The following ARHGAP44 variants were observed in gnomAD, a reference collection of about 807,000 sequenced individuals.
ARHGAP44 encodes the protein rho GTPase-activating protein 44.
ARHGAP44 carries 43 observed loss-of-function variants against 106.8 expected under a neutral mutation model. That is an observed-to-expected ratio of 0.40 (90% CI 0.32 to 0.52). The LOEUF is 0.52. Ranked by LOEUF, ARHGAP44 falls within the 20% of genes least tolerant of loss-of-function variation. ARHGAP44 has a pLI of 0.48. For synonymous variants in ARHGAP44, 439 were observed against 410.3 expected, an observed-to-expected ratio of 1.07 and a Z score of -0.85; for missense variants, 866 against 1,050.5, an observed-to-expected ratio of 0.82 and a Z score of 2.43.
At position 12,890,936 on chromosome 17, in the gene ARHGAP44, A is replaced by G. The variant is rs372835209; in HGVS notation, c.54-4004A>G. ...TTCATTAAAACCCTTGGGGATGGAC[A>G]TAGTTCAGTCAAGTTCTGTATAACT... On this transcript the variant is annotated intron_variant, in intron 1 of 20. Coordinates refer to ENST00000379672, the MANE Select transcript of ARHGAP44 (RefSeq NM_014859.6). Among the ~76,000 whole-genome samples, 14 of 152,342 alleles carry G rather than the reference A, an allele frequency of 9.2e-5. No individual in the cohort carries two copies. In the South Asian group the frequency reaches 2.7e-3, roughly 29 times the overall value.
At chr17:12,844,197 G>C (rs887635293) in intron 1 of ARHGAP44, among the ~76,000 whole-genome samples, 2 of 152,118 alleles carry the variant, frequency 1.3e-5, no homozygotes, top group Admixed American at 6.6e-5. Flanking sequence ...TTCTGTTGCT[G>C]TGACAGAATA....
chr17:12,813,252 G>A (rs1161362301), intron 1 of ARHGAP44, among the ~76,000 whole-genome samples: 1 of 151,912 alleles, frequency 6.6e-6, no homozygotes, highest in Non-Finnish European at 1.5e-5. Context: ...AGTCAACCAC[G>A]ATTCAAGAAT....
At chr17:12,967,249 CTTTTTTT>C (rs57651305) in intron 16 of ARHGAP44, among the ~76,000 whole-genome samples, 78 of 93,184 alleles carry the variant, frequency 8.4e-4, no homozygotes, top group East Asian at 6.8e-3. Context: ...ACTCTTTTTG[CTTTTTTT>C]TTTTTTTTTT....
At chr17:12,841,635 C>CAAAAAAAAA (rs1232144002) in intron 1 of ARHGAP44, among the ~76,000 whole-genome samples, 1 of 87,754 alleles carries the variant, frequency 1.1e-5, no homozygotes, top group African/African-American at 3.9e-5. Context: ...CACACACACA[C>CAAAAAAAAA]ACACAAACAA....
intron 16 of ARHGAP44, among the ~76,000 whole-genome samples, chr17:12,969,284 CT>C (rs1567715240): frequency 7.7e-6 from 1 of 129,064 alleles, no homozygotes. Context: ...CGTTCATTCT[CT>C]TTCTTTCTCT....
At chr17:12,954,945 T>A (rs1236406683) in intron 13 of ARHGAP44, among the ~76,000 whole-genome samples, 1 of 152,218 alleles carries the variant, frequency 6.6e-6, no homozygotes, top group East Asian at 1.9e-4. Context: ...TTGCAACTAT[T>A]ACTGGTGTCT....
In ARHGAP44 at chr17:12,928,954, G is replaced by A. The variant is rs1242670507; in HGVS notation, c.490G>A (p.Gly164Ser). The A allele has an allele frequency of 1.2e-6, 2 of 1,613,028 alleles. 1 individual carries two copies. The highest frequency in any genetic ancestry group is 2.2e-5 in the South Asian group (2 of 90,674). Reference sequence around the variant, plus strand: ...GTGGCAGCAGACTTCCAAGTCTTCAGGTTTGTCCAGCAGCTTACAGCCTGC... The same window carrying A: ...GTGGCAGCAGACTTCCAAGTCTTCAAGTTTGTCCAGCAGCTTACAGCCTGC... The part of the protein sequence containing the change: ...TRWQQTSKSS[G>S]LSSSLQPAGA... The change falls in exon 7 of 21, where the codon GGT becomes AGT. Residue 164 changes from glycine to serine, a missense_variant. By Grantham distance (56) the Gly-to-Ser change is moderately conservative (BLOSUM62 0). Around this residue, in one of 2 missense-constraint regions of ARHGAP44, gnomAD observed 448 missense variants for 646.9 expected, o/e 0.69. Coordinates refer to ENST00000379672, the MANE Select transcript of ARHGAP44 (RefSeq NM_014859.6).
At chr17:12,799,644 T>A (rs4569331) in intron 1 of ARHGAP44, among the ~76,000 whole-genome samples, 6,646 of 152,240 alleles carry the variant, frequency 0.044, 513 homozygotes, top group African/African-American at 0.15. Flanking sequence ...TGCTCATGAC[T>A]GTCTTTTGAA....
intron 16 of ARHGAP44, among the ~76,000 whole-genome samples, chr17:12,960,307 C>T (rs1229836463): frequency 6.6e-6 from 1 of 152,110 alleles, no homozygotes; most frequent in Non-Finnish European, 1.5e-5. Context: ...CGGTGGCTCA[C>T]GCCTATAATC....
chr17:12,880,545 A>C (rs1376037138), intron 1 of ARHGAP44, among the ~76,000 whole-genome samples: 2 of 152,016 alleles, frequency 1.3e-5, no homozygotes, highest in Non-Finnish European at 2.9e-5. Context: ...TCTAAGAGTC[A>C]CTCATGTTGT....
At chr17:12,955,816 A>C in intron 13 of ARHGAP44, 51 bp from the exon 14 acceptor site, 2 of 1,142,584 alleles carry the variant, frequency 1.8e-6, no homozygotes, top group Non-Finnish European at 1.3e-6. Context: ...CCCGGGGGAC[A>C]TGGCTGGTGT....
intron 1 of ARHGAP44, among the ~76,000 whole-genome samples, chr17:12,869,058 A>AT (rs1567658891): frequency 6.6e-6 from 1 of 152,216 alleles, no homozygotes; most frequent in African/African-American, 2.4e-5. Context: ...ATAAAAGTAA[A>AT]GACATTTGAG....
chr17:12,818,417 A>T (rs1463756118), intron 1 of ARHGAP44, among the ~76,000 whole-genome samples: 1 of 151,840 alleles, frequency 6.6e-6, no homozygotes, highest in Non-Finnish European at 1.5e-5. Context: ...TAAGACTGAA[A>T]TTGAGGCAGG....
Position 12,973,940 on chromosome 17 carries a change from A to C in ARHGAP44, c.1542-149A>C, listed in dbSNP as rs2039596258. ...GGAGCAGCCAGGGTGCTGGGAGCAC[A>C]GCCCCCAATGCATCGCTTCCCGGGC... On this transcript the variant is annotated intron_variant, in intron 17 of 20. Coordinates refer to ENST00000379672, the MANE Select transcript of ARHGAP44 (RefSeq NM_014859.6). 6 of 819,926 alleles carry C rather than the reference A, an allele frequency of 7.3e-6. No homozygotes were observed. In the South Asian group the frequency reaches 1.0e-4, roughly 14 times the overall value. The allele number at this position is 819,926 out of a possible 1,614,324, so 50.8% of individuals were successfully genotyped here. A position where few individuals can be genotyped will look rare whatever the true frequency, so the allele number is the denominator to read the frequency against.
intron 18 of ARHGAP44, among the ~76,000 whole-genome samples, chr17:12,978,836 A>G (rs12600659): frequency 0.32 from 48,939 of 151,662 alleles, 8,056 homozygotes; most frequent in South Asian, 0.48. Context: ...TTACAGGCAC[A>G]TGTCACCACG....
rs184507580 is a variant in ARHGAP44, at chr17:12,956,185, A to T, written c.1250+205A>T. Among the ~76,000 whole-genome samples the T allele has an allele frequency of 2.6e-5, 4 of 152,234 alleles. No homozygotes were observed. In the East Asian group the frequency reaches 7.8e-4, roughly 30 times the overall value. On this transcript the variant is annotated intron_variant, in intron 14 of 20. Coordinates refer to ENST00000379672, the MANE Select transcript of ARHGAP44 (RefSeq NM_014859.6). ...TCTTTTTGTTGATGGTCCCAGAGCT[A>T]CAGGTCTGAAGTCAGGGTCTTCTCT... is the stretch of plus-strand genomic sequence containing the variant.
At chr17:12,886,756 C>A (rs754075867) in intron 1 of ARHGAP44, among the ~76,000 whole-genome samples, 11 of 151,978 alleles carry the variant, frequency 7.2e-5, no homozygotes, top group Admixed American at 3.9e-4. Context: ...TTATTTGTCC[C>A]TCTTATATCT....
At chr17:12,815,574 C>G (rs2034575763) in intron 1 of ARHGAP44, among the ~76,000 whole-genome samples, 1 of 152,108 alleles carries the variant, frequency 6.6e-6, no homozygotes, top group Non-Finnish European at 1.5e-5. Context: ...CTCCATTTTA[C>G]AGGAGAGTAT....
At chr17:12,849,417 T>G (rs2035671817) in intron 1 of ARHGAP44, among the ~76,000 whole-genome samples, 1 of 152,118 alleles carries the variant, frequency 6.6e-6, no homozygotes, top group African/African-American at 2.4e-5. Flanking sequence ...TGCTTGACAC[T>G]CCTTAACATG....
Sources: allele counts gnomAD v4.1 joint callset (sites outside exome capture counted in the v4.1 genomes callset), GRCh38; gene constraint gnomAD v4.1.1; regional missense constraint gnomAD v4.1.1; transcripts MANE v1.5; gene names NCBI Gene and HGNC (gene_info 2026-07-23, HGNC 2026-07-21).